The following CLEC16A variants were observed in gnomAD, a reference collection of about 807,000 sequenced individuals.
CLEC16A encodes C-type lectin domain containing 16A.
CLEC16A carries 51 observed loss-of-function variants against 109.5 expected under a neutral mutation model. That is an observed-to-expected ratio of 0.47 (90% CI 0.37 to 0.59). The LOEUF is 0.59. Among genes scored for constraint, CLEC16A ranks in the 20% least tolerant of loss-of-function variants. The pLI is 0.00. For synonymous variants in CLEC16A, 673 were observed against 564.2 expected, an observed-to-expected ratio of 1.19 and a Z score of -2.73; for missense variants, 1,339 against 1,394.0, an observed-to-expected ratio of 0.96 and a Z score of 0.63.
chr16:11,027,453 A>G (rs2046475204), intron 13 of CLEC16A: 10 of 1,574,016 alleles, frequency 6.4e-6, no homozygotes, highest in Non-Finnish European at 7.8e-6. Flanking sequence ...GGGATTTCCA[A>G]ATCTGAAGTC....
At chr16:11,115,197 T>C (rs1162656733) in intron 19 of CLEC16A, among the ~76,000 whole-genome samples, 1 of 152,164 alleles carries the variant, frequency 6.6e-6, no homozygotes, top group Non-Finnish European at 1.5e-5. Context: ...GAACTTCTTT[T>C]GTGAATGTGA....
intron 11 of CLEC16A, among the ~76,000 whole-genome samples, chr16:11,005,588 T>G (rs558445617): frequency 2.0e-5 from 3 of 152,362 alleles, no homozygotes; most frequent in South Asian, 2.1e-4. Context: ...CATACAACTT[T>G]CATAGACCGG....
intron 19 of CLEC16A, among the ~76,000 whole-genome samples, chr16:11,091,497 C>G (rs1227184614): frequency 3.3e-5 from 5 of 152,166 alleles, no homozygotes; most frequent in African/African-American, 1.2e-4. Flanking sequence ...AGTCTCAGGC[C>G]TCCCCCACCT....
chr16:11,040,132 C>A (rs1461407415), intron 14 of CLEC16A: 1 of 450,862 alleles, frequency 2.2e-6, no homozygotes, highest in Non-Finnish European at 3.9e-6. Flanking sequence ...CACACCCCGC[C>A]CTTCTTTTGC....
intron 10 of CLEC16A, among the ~76,000 whole-genome samples, chr16:10,993,453 C>T (rs956035932): frequency 3.3e-5 from 5 of 152,136 alleles, no homozygotes; most frequent in Non-Finnish European, 5.9e-5. Context: ...TGAAAGAGAG[C>T]GAGGTGGTGT....
At chr16:11,119,294 C>A (rs1301125099) in intron 19 of CLEC16A, among the ~76,000 whole-genome samples, 1 of 152,230 alleles carries the variant, frequency 6.6e-6, no homozygotes, top group Non-Finnish European at 1.5e-5. Flanking sequence ...TGAGCCACAG[C>A]ACCCAGCCTA....
At chr16:11,041,253 T>C (rs1034146590) in intron 14 of CLEC16A, 1 of 152,242 alleles carries the variant, frequency 6.6e-6, no homozygotes, top group Non-Finnish European at 1.5e-5. Flanking sequence ...TCAGGACCTA[T>C]ATAAAGTGTT....
At chr16:11,099,722 G>A (rs866116343) in intron 19 of CLEC16A, among the ~76,000 whole-genome samples, 1 of 152,206 alleles carries the variant, frequency 6.6e-6, no homozygotes, top group African/African-American at 2.4e-5. Flanking sequence ...CCAGATTTGT[G>A]TGGCTACCTC....
chr16:10,964,755 T>G (rs1420048594), intron 3 of CLEC16A, among the ~76,000 whole-genome samples: 1 of 152,204 alleles, frequency 6.6e-6, no homozygotes, highest in African/African-American at 2.4e-5. Context: ...ATTGTATATA[T>G]TTAATGTGTA....
intron 19 of CLEC16A, among the ~76,000 whole-genome samples, chr16:11,088,483 G>A (rs1409590602): frequency 6.6e-6 from 1 of 152,228 alleles, no homozygotes; most frequent in Non-Finnish European, 1.5e-5. Flanking sequence ...AAAGACCTTG[G>A]TGTATTTCTC....
intron 11 of CLEC16A, among the ~76,000 whole-genome samples, chr16:11,005,559 A>G (rs538911639): frequency 3.9e-5 from 6 of 152,208 alleles, no homozygotes; most frequent in African/African-American, 1.4e-4. Context: ...TCATTTTGTC[A>G]CTCAGCTCAC....
chr16:10,962,519 T>TA lies in CLEC16A; in HGVS notation c.275dup (p.Tyr92Ter). The TA allele has an allele frequency of 6.2e-7, 1 of 1,613,974 alleles. No individual in the cohort carries two copies. Among genetic ancestry groups the TA allele is most frequent in the Non-Finnish European group, 8.5e-7 (1 of 1,179,888 alleles). ...LNILRQKSGR[Y>*]VCVQLLQTLN... ...CATCTTGCGGCAAAAGTCGGGCCGT[T>TA]ACGTGTGCGTTCAGCTGCTGCAGAC... The change falls in exon 3 of 24, where the codon TAC (tyrosine) becomes TAAC (stop). Residue 92 changes from tyrosine (Y) to a stop codon, truncating the protein, a stop_gained and frameshift_variant. Transcript: ENST00000409790. LOFTEE classifies it high-confidence loss of function.
At chr16:10,952,798 G>A (rs1039369038) in intron 1 of CLEC16A, among the ~76,000 whole-genome samples, 11 of 152,134 alleles carry the variant, frequency 7.2e-5, no homozygotes, top group Admixed American at 3.3e-4. Context: ...AAGACATTTA[G>A]AAAATGAATA....
At chr16:10,992,432 C>T (rs544941404) in intron 10 of CLEC16A, among the ~76,000 whole-genome samples, 148 of 151,826 alleles carry the variant, frequency 9.7e-4, no homozygotes, top group Non-Finnish European at 1.8e-3. Context: ...ATACATGAGG[C>T]GATGGATATG....
chr16:11,105,764 C>T (rs555035612), intron 19 of CLEC16A, among the ~76,000 whole-genome samples: 28 of 152,330 alleles, frequency 1.8e-4, no homozygotes, highest in Middle Eastern at 3.4e-3. Context: ...TGCTCCTGGG[C>T]CGTGTACCAG....
intron 22 of CLEC16A, among the ~76,000 whole-genome samples, chr16:11,136,949 C>G (rs1420755350): frequency 5.3e-5 from 8 of 152,248 alleles, no homozygotes; most frequent in Non-Finnish European, 8.8e-5. Context: ...CCAGGGCTCC[C>G]TGGTTTCCAC....
chr16:10,992,506 A>G (rs1255978497), intron 10 of CLEC16A, among the ~76,000 whole-genome samples: 4 of 151,122 alleles, frequency 2.6e-5, no homozygotes, highest in Non-Finnish European at 5.9e-5. Flanking sequence ...ATTGTACCCC[A>G]TAACCATGTA....
chr16:10,976,160 C>A (rs1005949768), intron 7 of CLEC16A, among the ~76,000 whole-genome samples: 18 of 152,114 alleles, frequency 1.2e-4, no homozygotes, highest in African/African-American at 4.3e-4. Flanking sequence ...ATCTGAGATG[C>A]TTTGGAGGCT....
intron 1 of CLEC16A, among the ~76,000 whole-genome samples, chr16:10,955,790 C>G (rs184386623): frequency 5.1e-4 from 78 of 152,298 alleles, no homozygotes; most frequent in Non-Finnish European, 7.8e-4. Context: ...TGTCTTGTCA[C>G]TGGCAGGGTG....
Sources: gnomAD v4.1 joint callset for allele counts (sites outside exome capture counted in the v4.1 genomes callset) on GRCh38, gnomAD v4.1.1 for gene constraint, MANE v1.5 for transcripts, NCBI Gene and HGNC (gene_info 2026-07-23, HGNC 2026-07-21) for gene names.